Variants in PPP1R12A observed in about 807,000 individuals in gnomAD.
PPP1R12A encodes myosin binding subunit.
A neutral mutation model predicts 139.6 loss-of-function variants in PPP1R12A; 19 were observed. The ratio of observed to expected loss-of-function variants is 0.14; its 90% CI spans 0.09 to 0.20. The LOEUF (loss-of-function observed/expected upper bound fraction) is 0.20, where lower values mean the gene tolerates loss of function less well. Among genes scored for constraint, PPP1R12A ranks in the 10% least tolerant of loss-of-function variants. The pLI is 1.00. For synonymous variants in PPP1R12A, 427 were observed against 420.6 expected, an observed-to-expected ratio of 1.02 and a Z score of -0.19; for missense variants, 925 against 1,211.5, an observed-to-expected ratio of 0.76 and a Z score of 3.51.
chr12:79,776,584 TAC>T (rs1032480996), intron 24 of PPP1R12A, among the ~76,000 whole-genome samples: 2 of 152,166 alleles, frequency 1.3e-5, no homozygotes, highest in African/African-American at 4.8e-5. Flanking sequence ...AACAAGCAAT[TAC>T]TATTATTAGA....
chr12:79,920,900 T>C (rs1293953386), intron 1 of PPP1R12A, among the ~76,000 whole-genome samples: 1 of 152,210 alleles, frequency 6.6e-6, no homozygotes, highest in Non-Finnish European at 1.5e-5. Flanking sequence ...GGTATTCCGT[T>C]ATAAGCAAAA....
chr12:79,803,159 T>C (rs561020810), intron 14 of PPP1R12A, among the ~76,000 whole-genome samples: 54 of 152,344 alleles, frequency 3.5e-4, no homozygotes, highest in Non-Finnish European at 6.8e-4. Flanking sequence ...CATCCCAAAT[T>C]AGCATAAAAA....
At chr12:79,933,374 A>C (rs952963455) in intron 1 of PPP1R12A, among the ~76,000 whole-genome samples, 1 of 152,218 alleles carries the variant, frequency 6.6e-6, no homozygotes, top group Non-Finnish European at 1.5e-5. Context: ...GACAAGGAAA[A>C]ATGTCACTAC....
intron 18 of PPP1R12A, among the ~76,000 whole-genome samples, chr12:79,794,623 TATAC>T (rs1344570670): frequency 2.0e-5 from 3 of 151,968 alleles, no homozygotes; most frequent in Non-Finnish European, 4.4e-5. Flanking sequence ...AAAGATATAT[TATAC>T]AAAGATAATC....
intron 2 of PPP1R12A, among the ~76,000 whole-genome samples, chr12:79,846,731 C>T (rs1252913310): frequency 2.0e-5 from 3 of 151,676 alleles, no homozygotes; most frequent in African/African-American, 7.3e-5. Context: ...GCCTGGCCTA[C>T]CCAAGTCAAT....
At chr12:79,837,017 A>G (rs1202989699) in intron 3 of PPP1R12A, among the ~76,000 whole-genome samples, 1 of 152,256 alleles carries the variant, frequency 6.6e-6, no homozygotes, top group Non-Finnish European at 1.5e-5. Context: ...AAAGTGTTTT[A>G]GATCAGGGAT....
intron 24 of PPP1R12A, chr12:79,777,765 A>G (rs1025834097): frequency 3.8e-6 from 2 of 532,932 alleles, no homozygotes; most frequent in Non-Finnish European, 4.8e-6. Flanking sequence ...TTAAAGGAAC[A>G]AGAGATTCAG....
chr12:79,842,091 AG>A (rs761187689), intron 3 of PPP1R12A, among the ~76,000 whole-genome samples: 1 of 152,092 alleles, frequency 6.6e-6, no homozygotes, highest in Non-Finnish European at 1.5e-5. Flanking sequence ...AGGCCAAGAT[AG>A]GTGGACTGCT....
intron 3 of PPP1R12A, among the ~76,000 whole-genome samples, chr12:79,839,781 A>T (rs569835015): frequency 6.6e-6 from 1 of 152,264 alleles, no homozygotes; most frequent in East Asian, 1.9e-4. Context: ...CATGACTGTA[A>T]GTTTCCTGAG....
intron 5 of PPP1R12A, among the ~76,000 whole-genome samples, chr12:79,826,727 T>A (rs1221833437): frequency 6.6e-6 from 1 of 152,186 alleles, no homozygotes; most frequent in Non-Finnish European, 1.5e-5. Context: ...ATAAAATGAT[T>A]TTTCTCATGC....
intron 1 of PPP1R12A, among the ~76,000 whole-genome samples, chr12:79,922,797 C>T (rs373407251): frequency 2.1e-4 from 32 of 152,178 alleles, no homozygotes; most frequent in African/African-American, 7.5e-4. Flanking sequence ...CATAAGTATA[C>T]CCATGTAACA....
Position 79,801,071 on chromosome 12 carries a change from C to T in PPP1R12A, c.2001-2487G>A, listed in dbSNP as rs1421201519. ...TAAAAAAGGCTCTTTCTTGGCTGGG[C>T]GCGGTGGCTCATGCCTGTAATCCCA... On this transcript the variant is annotated intron_variant, in intron 14 of 24. Coordinates refer to ENST00000450142, the MANE Select transcript of PPP1R12A (RefSeq NM_002480.3). Among the ~76,000 whole-genome samples, 7 of 150,844 alleles carry T rather than the reference C, an allele frequency of 4.6e-5. 1 individual carries two copies. The highest frequency in any genetic ancestry group is 4.2e-4 in the South Asian group (2 of 4,712).
At chr12:79,931,436 A>C (rs1888246207) in intron 1 of PPP1R12A, among the ~76,000 whole-genome samples, 1 of 152,216 alleles carries the variant, frequency 6.6e-6, no homozygotes, top group South Asian at 2.1e-4. Context: ...CTGACTTGGA[A>C]GTCACTGGCA....
At chr12:79,844,504 T>G (rs1879153712) in intron 3 of PPP1R12A, among the ~76,000 whole-genome samples, 1 of 152,152 alleles carries the variant, frequency 6.6e-6, no homozygotes, top group South Asian at 2.1e-4. Flanking sequence ...TAATCCAATC[T>G]CTTCTCATCA....
intron 19 of PPP1R12A, among the ~76,000 whole-genome samples, 178 bp from the exon 20 acceptor site, chr12:79,790,661 T>A (rs1393523033): frequency 6.6e-6 from 1 of 152,164 alleles, no homozygotes; most frequent in Non-Finnish European, 1.5e-5. Flanking sequence ...TCTCGAAATC[T>A]AGCTATATAC....
At chr12:79,917,113 T>C (rs986455286) in intron 1 of PPP1R12A, among the ~76,000 whole-genome samples, 2 of 152,142 alleles carry the variant, frequency 1.3e-5, no homozygotes, top group African/African-American at 2.4e-5. Context: ...GAAAAACTTA[T>C]ATAGTATTCC....
In PPP1R12A at chr12:79,934,968, G is replaced by A. The variant is rs758881407; in HGVS notation, c.-37C>T. 3.9e-5 allele frequency: 60 copies of A among 1,547,226 alleles called. No individual in the cohort carries two copies. In the African/African-American group the frequency reaches 7.7e-4, roughly 20 times the overall value. On this transcript the variant is annotated 5_prime_UTR_variant, in exon 1 of 25. Coordinates refer to ENST00000450142, the MANE Select transcript of PPP1R12A (RefSeq NM_002480.3). ...CCGCCGGGTCTTCTTATCGCGAGGG[G>A]GGGAAGGGGGAGGCGGAGAGGGAAG...
intron 1 of PPP1R12A, among the ~76,000 whole-genome samples, chr12:79,920,213 T>C (rs149515321): frequency 2.6e-5 from 4 of 152,388 alleles, no homozygotes; most frequent in African/African-American, 9.6e-5. Context: ...TTTTTGCTAC[T>C]GAATAATATT....
intron 2 of PPP1R12A, among the ~76,000 whole-genome samples, chr12:79,858,856 C>T (rs888921704): frequency 3.3e-5 from 5 of 152,164 alleles, no homozygotes; most frequent in Admixed American, 2.0e-4. Flanking sequence ...CAAAGCATAC[C>T]TCTGTAGGCC....
Sources: allele counts gnomAD v4.1 joint callset (sites outside exome capture counted in the v4.1 genomes callset), GRCh38; gene constraint gnomAD v4.1.1; transcripts MANE v1.5; gene names NCBI Gene and HGNC (gene_info 2026-07-23, HGNC 2026-07-21).